Variants in CCDC6 observed in about 807,000 individuals in gnomAD.
CCDC6 encodes coiled-coil domain-containing protein 6.
In CCDC6, 20 loss-of-function variants were observed where a neutral mutation model predicts 56.6. The ratio of observed to expected loss-of-function variants is 0.35; its 90% CI spans 0.25 to 0.51. CCDC6 has a LOEUF of 0.51. CCDC6 is among the 20% of genes least tolerant of loss of function. The pLI is 0.95. For missense variants in CCDC6, 367 were observed against 601.1 expected, an observed-to-expected ratio of 0.61 and a Z score of 4.07; for synonymous variants, 241 against 234.4, an observed-to-expected ratio of 1.03 and a Z score of -0.26.
intron 1 of CCDC6, among the ~76,000 whole-genome samples, chr10:59,895,382 G>A (rs1417744951): frequency 6.6e-6 from 1 of 152,188 alleles, no homozygotes. Flanking sequence ...AAGCTCTGAG[G>A]TCAGACCTGG....
rs1292215718 is a variant in CCDC6 at position 59,790,022 on chromosome 10, A to G, written c.*2895T>C. The G allele has an allele frequency of 4.6e-6, 1 of 216,286 alleles. No individual in the cohort carries two copies. The highest frequency in any genetic ancestry group is 9.3e-6 in the Non-Finnish European group (1 of 107,142). The allele number at this position is 216,286 out of a possible 1,614,324, so 13.4% of individuals were successfully genotyped here. On this transcript the variant is annotated 3_prime_UTR_variant, in exon 9 of 9. Coordinates refer to ENST00000263102, the MANE Select transcript of CCDC6 (RefSeq NM_005436.5). ...GAGCTCAGAATTTAAAACTCCTTTC[A>G]GTCAACGAAGGAGTAAGTTCAATTA...
intron 1 of CCDC6, among the ~76,000 whole-genome samples, chr10:59,883,357 C>G (rs947434200): frequency 6.6e-5 from 10 of 152,066 alleles, no homozygotes. Flanking sequence ...ATGATGGTAT[C>G]AATACCTTGC....
chr10:59,881,127 T>C (rs934972447), intron 1 of CCDC6, among the ~76,000 whole-genome samples: 1 of 152,150 alleles, frequency 6.6e-6, no homozygotes. Flanking sequence ...ATCCACATCT[T>C]CCACCATAAT....
rs966319540 is a variant in CCDC6, at chr10:59,855,419, T to C, written c.304-2717A>G. On this transcript the variant is annotated intron_variant, in intron 1 of 8. Transcript: ENST00000263102. The stretch of plus-strand genomic sequence containing the variant: ...CATTTCTACTTAAAATAAAAAAAAT[T>C]AGCTGAGCATGGTGGTGAGCGCCTG... 3.3e-5 allele frequency among the ~76,000 whole-genome samples: 5 copies of C among 152,034 alleles called. 1 individual carries two copies. The highest frequency in any genetic ancestry group is 2.6e-4 in the Admixed American group (4 of 15,250).
chr10:59,840,702 A>G (rs1352988161), intron 2 of CCDC6, among the ~76,000 whole-genome samples: 1 of 152,160 alleles, frequency 6.6e-6, no homozygotes, highest in African/African-American at 2.4e-5. Context: ...TGTCTTTTCC[A>G]TCTTAAATGA....
chr10:59,824,551 C>A (rs1157071211), intron 3 of CCDC6, among the ~76,000 whole-genome samples: 1 of 152,174 alleles, frequency 6.6e-6, no homozygotes, highest in East Asian at 1.9e-4. Flanking sequence ...AAGCCGACTT[C>A]AGGGTTTACT....
intron 1 of CCDC6, among the ~76,000 whole-genome samples, chr10:59,897,963 T>C (rs1006539748): frequency 2.0e-5 from 3 of 152,204 alleles, no homozygotes; most frequent in African/African-American, 4.8e-5. Context: ...CCAGATCACT[T>C]TGGACACACA....
chr10:59,878,011 G>A (rs551664782), intron 1 of CCDC6, among the ~76,000 whole-genome samples: 4 of 152,214 alleles, frequency 2.6e-5, no homozygotes, highest in Admixed American at 1.3e-4. Context: ...AACTAAGTTC[G>A]GGTATCTATG....
At chr10:59,816,387 A>G (rs1449940772) in intron 3 of CCDC6, among the ~76,000 whole-genome samples, 1 of 152,204 alleles carries the variant, frequency 6.6e-6, no homozygotes, top group African/African-American at 2.4e-5. Flanking sequence ...CCATTTGAAT[A>G]TTTAAAATAT....
intron 1 of CCDC6, among the ~76,000 whole-genome samples, chr10:59,869,489 G>A (rs1187561827): frequency 6.7e-6 from 1 of 149,940 alleles, no homozygotes; most frequent in African/African-American, 2.5e-5. Flanking sequence ...AGTAAGCCTT[G>A]GTTTTCTTTC....
chr10:59,798,917 C>T (rs1045904690), intron 7 of CCDC6, among the ~76,000 whole-genome samples: 1 of 141,252 alleles, frequency 7.1e-6, no homozygotes, highest in African/African-American at 2.7e-5. Flanking sequence ...TCGCTTGAAT[C>T]TGGGAGGTGG....
At chr10:59,794,417 C>T (rs2070495450) in intron 8 of CCDC6, 56 bp downstream of exon 8, 3 of 1,585,412 alleles carry the variant, frequency 1.9e-6, no homozygotes, top group Non-Finnish European at 2.6e-6. Context: ...CTCCAGAACA[C>T]CAGTCGGTAC....
chr10:59,833,670 C>A (rs2070854359), intron 2 of CCDC6, among the ~76,000 whole-genome samples: 1 of 137,216 alleles, frequency 7.3e-6, no homozygotes, highest in Non-Finnish European at 1.6e-5. Context: ...TGATCCACAG[C>A]AGGGGTTGGC....
At chr10:59,904,346 C>T (rs571621034) in intron 1 of CCDC6, among the ~76,000 whole-genome samples, 1 of 152,314 alleles carries the variant, frequency 6.6e-6, no homozygotes, top group Non-Finnish European at 1.5e-5. Flanking sequence ...AGTTATAATA[C>T]GGTCTAAGTG....
intron 1 of CCDC6, among the ~76,000 whole-genome samples, chr10:59,891,271 C>A (rs1054949251): frequency 6.6e-6 from 1 of 152,002 alleles, no homozygotes; most frequent in Non-Finnish European, 1.5e-5. Flanking sequence ...CCAAGTCAAG[C>A]CAAAGCACCC....
intron 5 of CCDC6, among the ~76,000 whole-genome samples, chr10:59,812,062 C>CAAAAA (rs142710534): frequency 8.3e-6 from 1 of 121,132 alleles, no homozygotes; most frequent in Non-Finnish European, 1.8e-5. Flanking sequence ...TTTGAATAGC[C>CAAAAA]AAAAAAAAAA....
chr10:59,865,296 C>T (rs2071167561), intron 1 of CCDC6, among the ~76,000 whole-genome samples: 1 of 152,154 alleles, frequency 6.6e-6, no homozygotes, highest in South Asian at 2.1e-4. Context: ...AGTAATCAAG[C>T]ACCTCCTAAC....
intron 1 of CCDC6, among the ~76,000 whole-genome samples, chr10:59,863,879 T>C (rs2071155841): frequency 6.6e-6 from 1 of 152,280 alleles, no homozygotes; most frequent in African/African-American, 2.4e-5. Flanking sequence ...CTGTAAAAAA[T>C]GGGGCATATC....
At chr10:59,858,811 G>C (rs1279825769) in intron 1 of CCDC6, among the ~76,000 whole-genome samples, 1 of 152,176 alleles carries the variant, frequency 6.6e-6, no homozygotes, top group East Asian at 1.9e-4. Context: ...GTTTACGCTG[G>C]ATTTATTAAC....
Sources: gnomAD v4.1 joint callset for allele counts (sites outside exome capture counted in the v4.1 genomes callset) on GRCh38, gnomAD v4.1.1 for gene constraint, MANE v1.5 for transcripts, NCBI Gene and HGNC (gene_info 2026-07-23, HGNC 2026-07-21) for gene names.